The following LDAH variants were observed in gnomAD, a reference collection of about 807,000 sequenced individuals.
The protein encoded by LDAH is lipid droplet-associated hydrolase.
A neutral mutation model predicts 29.6 loss-of-function variants in LDAH; 26 were observed. The ratio of observed to expected loss-of-function variants is 0.88; its 90% CI spans 0.64 to 1.22. The LOEUF is 1.22. LDAH is among the 50% of genes most tolerant of loss of function. The pLI, the probability that LDAH is intolerant of heterozygous loss-of-function variation, is 0.00. For synonymous variants in LDAH, 117 were observed against 133.0 expected (o/e 0.88, Z 0.83); for missense variants, 344 against 387.3 (o/e 0.89, Z 0.94).
At chr2:20,759,979 G>T (rs1485634706) in intron 4 of LDAH, among the ~76,000 whole-genome samples, 1 of 152,172 alleles carries the variant, frequency 6.6e-6, no homozygotes, top group Non-Finnish European at 1.5e-5. Flanking sequence ...TTTCAAATAA[G>T]ATCTGCTTCA....
intron 5 of LDAH, among the ~76,000 whole-genome samples, chr2:20,702,890 T>C (rs2149356431): frequency 6.6e-6 from 1 of 152,330 alleles, no homozygotes; most frequent in Non-Finnish European, 1.5e-5. Context: ...TGGAGGGCAA[T>C]GGCACGATCG....
intron 2 of LDAH, among the ~76,000 whole-genome samples, chr2:20,795,306 GA>G (rs1409787849): frequency 9.9e-5 from 15 of 152,092 alleles, no homozygotes; most frequent in Admixed American, 8.5e-4. Context: ...GGAGAGGAAC[GA>G]AAACTGCCAC....
intron 6 of LDAH, among the ~76,000 whole-genome samples, chr2:20,695,553 A>T (rs1663388434): frequency 6.6e-6 from 1 of 151,794 alleles, no homozygotes; most frequent in African/African-American, 2.4e-5. Context: ...CCTGGGTTCA[A>T]GCAATTCTGC....
At chr2:20,800,657 G>A (rs1041473978) in intron 2 of LDAH, among the ~76,000 whole-genome samples, 21 of 151,082 alleles carry the variant, frequency 1.4e-4, no homozygotes, top group African/African-American at 4.1e-4. Flanking sequence ...TTTTTGAGAC[G>A]GAGTCTCGCT....
At chr2:20,700,354 A>C (rs1239081511) in intron 6 of LDAH, among the ~76,000 whole-genome samples, 2 of 152,232 alleles carry the variant, frequency 1.3e-5, no homozygotes, top group Non-Finnish European at 2.9e-5. Context: ...TGGCATTTTC[A>C]AAAGTCCTCT....
chr2:20,821,983 C>G (rs1161221580), intron 1 of LDAH, among the ~76,000 whole-genome samples: 2 of 152,116 alleles, frequency 1.3e-5, no homozygotes, highest in Non-Finnish European at 2.9e-5. Context: ...AGAGACACTC[C>G]TACGTATAGT....
At chr2:20,789,531 A>G (rs1670797692) in intron 3 of LDAH, among the ~76,000 whole-genome samples, 1 of 152,068 alleles carries the variant, frequency 6.6e-6, no homozygotes, top group Non-Finnish European at 1.5e-5. Flanking sequence ...CCTAACCCAC[A>G]CTGTGTTTTC....
chr2:20,725,720 A>G (rs1665968356), intron 5 of LDAH, among the ~76,000 whole-genome samples: 1 of 152,218 alleles, frequency 6.6e-6, no homozygotes, highest in Admixed American at 6.5e-5. Flanking sequence ...TTTGGCTACT[A>G]ATCTAAAAGT....
At chr2:20,803,561 C>T (rs1281131402) in intron 1 of LDAH, among the ~76,000 whole-genome samples, 1 of 152,196 alleles carries the variant, frequency 6.6e-6, no homozygotes, top group Non-Finnish European at 1.5e-5. Flanking sequence ...AACTAGCCAA[C>T]CTCAACTCAC....
At chr2:20,728,123 G>C (rs1005069092) in intron 5 of LDAH, among the ~76,000 whole-genome samples, 3 of 152,186 alleles carry the variant, frequency 2.0e-5, no homozygotes, top group African/African-American at 7.2e-5. Flanking sequence ...CAGAAAACCA[G>C]TTTCTATCTA....
At chr2:20,818,243 A>G (rs531660572) in intron 1 of LDAH, among the ~76,000 whole-genome samples, 2 of 152,270 alleles carry the variant, frequency 1.3e-5, no homozygotes, top group South Asian at 4.1e-4. Context: ...GTTTTTTGCA[A>G]CTTCCTCTGA....
At chr2:20,805,653 T>C (rs1030320031) in intron 1 of LDAH, among the ~76,000 whole-genome samples, 1 of 152,160 alleles carries the variant, frequency 6.6e-6, no homozygotes, top group Non-Finnish European at 1.5e-5. Flanking sequence ...TCTGTGTAAC[T>C]TAGGCAAGCC....
At chr2:20,811,686 G>A (rs1456291898) in intron 1 of LDAH, among the ~76,000 whole-genome samples, 2 of 151,522 alleles carry the variant, frequency 1.3e-5, no homozygotes, top group African/African-American at 4.9e-5. Context: ...GGGTTTCACT[G>A]TGTTAGCCAG....
At chr2:20,806,087 C>G (rs1265025296) in intron 1 of LDAH, among the ~76,000 whole-genome samples, 1 of 152,006 alleles carries the variant, frequency 6.6e-6, no homozygotes, top group Admixed American at 6.6e-5. Context: ...ATGATAACAA[C>G]TTTTTTAAGG....
At chr2:20,783,717 T>C (rs1044179564) in intron 3 of LDAH, among the ~76,000 whole-genome samples, 1 of 152,208 alleles carries the variant, frequency 6.6e-6, no homozygotes, top group Non-Finnish European at 1.5e-5. Flanking sequence ...AAAATGTTTA[T>C]TTGTTTGTTT....
chr2:20,691,107 C>A (rs1188755906), intron 6 of LDAH, among the ~76,000 whole-genome samples: 1 of 152,152 alleles, frequency 6.6e-6, no homozygotes, highest in Non-Finnish European at 1.5e-5. Flanking sequence ...ACTGGCAGGT[C>A]TTAAACTGGA....
intron 4 of LDAH, among the ~76,000 whole-genome samples, chr2:20,753,916 T>C (rs1668132226): frequency 1.3e-5 from 2 of 152,336 alleles, no homozygotes; most frequent in African/African-American, 4.8e-5. Flanking sequence ...ATGAATCATA[T>C]ACCTTTAATA....
At chr2:20,802,206 C>T (rs527267998) in intron 1 of LDAH, among the ~76,000 whole-genome samples, 2 of 151,996 alleles carry the variant, frequency 1.3e-5, no homozygotes, top group East Asian at 1.9e-4. Context: ...ACTACAGGCA[C>T]GTACCACCAC....
At chr2:20,788,087 A>G (rs1380147549) in intron 3 of LDAH, among the ~76,000 whole-genome samples, 3 of 152,180 alleles carry the variant, frequency 2.0e-5, no homozygotes, top group Admixed American at 6.5e-5. Context: ...TTATTTTCTT[A>G]TTCAGTTTTC....
Sources: gnomAD v4.1 joint callset for allele counts (sites outside exome capture counted in the v4.1 genomes callset) on GRCh38, gnomAD v4.1.1 for gene constraint, MANE v1.5 for transcripts, NCBI Gene and HGNC (gene_info 2026-07-23, HGNC 2026-07-21) for gene names.